The following GNAL variants were observed in gnomAD, a reference collection of about 807,000 sequenced individuals.
The protein encoded by GNAL is G protein subunit alpha L.
Under a neutral mutation model 55.1 loss-of-function variants are expected in GNAL, and 18 were observed. That is an observed-to-expected ratio of 0.33 (90% CI 0.23 to 0.48). GNAL has a LOEUF of 0.48. Ranked by LOEUF, GNAL falls within the 20% of genes least tolerant of loss-of-function variation. The pLI is 0.99. For missense variants in GNAL, 412 were observed against 614.1 expected, an observed-to-expected ratio of 0.67 and a Z score of 3.48; for synonymous variants, 253 against 237.0, an observed-to-expected ratio of 1.07 and a Z score of -0.62.
chr18:11,773,377 C>G (rs1335897567), intron 4 of GNAL, among the ~76,000 whole-genome samples: 1 of 152,172 alleles, frequency 6.6e-6, no homozygotes, highest in Non-Finnish European at 1.5e-5. Context: ...GGATGACACA[C>G]TACATAACCA....
intron 4 of GNAL, among the ~76,000 whole-genome samples, chr18:11,758,162 G>A (rs942438174): frequency 5.9e-5 from 9 of 152,082 alleles, no homozygotes; most frequent in African/African-American, 1.4e-4. Flanking sequence ...AATGGGGTCC[G>A]GAACAAAAAA....
At chr18:11,699,558 AG>A (rs61005238) in intron 1 of GNAL, among the ~76,000 whole-genome samples, 40,408 of 145,302 alleles carry the variant, frequency 0.28, 9,430 homozygotes, top group African/African-American at 0.65. Flanking sequence ...TTTTTTTTTG[AG>A]GGGGGGGGTT....
At chr18:11,869,887 C>A (rs142219677) in intron 9 of GNAL, among the ~76,000 whole-genome samples, 1 of 151,720 alleles carries the variant, frequency 6.6e-6, no homozygotes, top group Non-Finnish European at 1.5e-5. Flanking sequence ...TCAGTCTGGG[C>A]GACAGAGGGA....
At chr18:11,764,796 A>AC (rs921447554) in intron 4 of GNAL, among the ~76,000 whole-genome samples, 20 of 151,806 alleles carry the variant, frequency 1.3e-4, no homozygotes, top group African/African-American at 4.8e-4. Flanking sequence ...ACAAACAACA[A>AC]AAAAAAGAAA....
chr18:11,822,339 A>C (rs1418822099), intron 4 of GNAL, among the ~76,000 whole-genome samples: 1 of 152,212 alleles, frequency 6.6e-6, no homozygotes, highest in Non-Finnish European at 1.5e-5. Flanking sequence ...ATATTGTGGT[A>C]CACACCTGTC....
chr18:11,769,001 A>ATTC (rs2033524373), intron 4 of GNAL, among the ~76,000 whole-genome samples: 19 of 105,462 alleles, frequency 1.8e-4, no homozygotes, highest in Non-Finnish European at 2.7e-4. Context: ...ATTATAATAT[A>ATTC]GAATATATAT....
At chr18:11,730,774 AAAAAT>A (rs1264821938) in intron 1 of GNAL, among the ~76,000 whole-genome samples, 2 of 152,128 alleles carry the variant, frequency 1.3e-5, no homozygotes, top group Admixed American at 6.5e-5. Flanking sequence ...AAAAAGGAAA[AAAAAT>A]AAAATAAAAT....
chr18:11,714,771 G>GT, intron 1 of GNAL, among the ~76,000 whole-genome samples: 1 of 152,228 alleles, frequency 6.6e-6, no homozygotes, highest in East Asian at 1.9e-4. Flanking sequence ...AAGGAAGGCA[G>GT]TTTTTGTATG....
At chr18:11,877,163 A>G (rs1423494965) in intron 11 of GNAL, among the ~76,000 whole-genome samples, 2 of 152,198 alleles carry the variant, frequency 1.3e-5, no homozygotes, top group African/African-American at 4.8e-5. Flanking sequence ...AATAACTCCC[A>G]TATACTCAGG....
intron 5 of GNAL, among the ~76,000 whole-genome samples, chr18:11,861,181 T>C (rs1464082272): frequency 6.6e-6 from 1 of 152,126 alleles, no homozygotes; most frequent in Admixed American, 6.5e-5. Flanking sequence ...CCGTCCATCC[T>C]CTCTCCTCAG....
chr18:11,815,954 T>A (rs1412879667), intron 4 of GNAL, among the ~76,000 whole-genome samples: 1 of 152,040 alleles, frequency 6.6e-6, no homozygotes, highest in Non-Finnish European at 1.5e-5. Flanking sequence ...ACTAGAATAA[T>A]TAAAATTAAG....
chr18:11,699,739 G>C (rs1421521252), intron 1 of GNAL, among the ~76,000 whole-genome samples: 1 of 152,140 alleles, frequency 6.6e-6, no homozygotes, highest in Non-Finnish European at 1.5e-5. Context: ...TTTAGGGCAG[G>C]GAAACCGCTC....
intron 4 of GNAL, among the ~76,000 whole-genome samples, chr18:11,823,600 A>G (rs1336829235): frequency 3.3e-5 from 5 of 152,234 alleles, no homozygotes; most frequent in African/African-American, 4.8e-5. Flanking sequence ...AACCCCTCAC[A>G]GTGCTTGGAT....
At chr18:11,836,443 A>C (rs558718226) in intron 5 of GNAL, among the ~76,000 whole-genome samples, 2 of 152,054 alleles carry the variant, frequency 1.3e-5, no homozygotes, top group African/African-American at 4.8e-5. Context: ...CAAAACTCTT[A>C]TCTCAAAAAA....
At chr18:11,743,792 A>C (rs2032630457) in intron 1 of GNAL, among the ~76,000 whole-genome samples, 1 of 152,212 alleles carries the variant, frequency 6.6e-6, no homozygotes, top group Non-Finnish European at 1.5e-5. Context: ...TTCAAATGCA[A>C]ATTATTGGGC....
At chr18:11,690,055 C>G in intron 1 of GNAL, 116 bp downstream of exon 1, 2 of 504,090 alleles carry the variant, frequency 4.0e-6, no homozygotes, top group Non-Finnish European at 5.7e-6. Context: ...GGAGGGGCTC[C>G]TGAATCCCGG....
At chr18:11,805,955 C>T (rs1420477334) in intron 4 of GNAL, among the ~76,000 whole-genome samples, 1 of 152,168 alleles carries the variant, frequency 6.6e-6, no homozygotes, top group Non-Finnish European at 1.5e-5. Flanking sequence ...TGCTAATTTA[C>T]ATTCTTAAGA....
rs149819986 is a variant in GNAL, at chr18:11,803,452, A to G, written c.625-21466A>G. Among the ~76,000 whole-genome samples the G allele has an allele frequency of 9.9e-3, 1,508 of 152,328 alleles. 8 individuals carry two copies. Among genetic ancestry groups the G allele is most frequent in the Non-Finnish European group, 0.016 (1,055 of 68,038 alleles). Reference sequence around the variant, plus strand: ...CATTGTGTGTCTAGACTGCATTTCCATTATCCATTCTTCTGCCCATGGACA... The same window carrying G: ...CATTGTGTGTCTAGACTGCATTTCCGTTATCCATTCTTCTGCCCATGGACA... On this transcript the variant is annotated intron_variant, in intron 4 of 11. Transcript: ENST00000334049.
At chr18:11,769,364 G>C (rs746146221) in intron 4 of GNAL, among the ~76,000 whole-genome samples, 2 of 151,830 alleles carry the variant, frequency 1.3e-5, no homozygotes, top group African/African-American at 2.4e-5. Context: ...TCGTACAGTA[G>C]GGCTTCCTGG....
Sources: allele counts gnomAD v4.1 joint callset (sites outside exome capture counted in the v4.1 genomes callset), GRCh38; gene constraint gnomAD v4.1.1; transcripts MANE v1.5; gene names NCBI Gene and HGNC (gene_info 2026-07-23, HGNC 2026-07-21).